The following SAMTOR variants were observed in gnomAD, a reference collection of about 807,000 sequenced individuals.
SAMTOR encodes the protein UPF0532 protein C7orf60.
At chr7:112,902,450 A>AAAC in the SAMTOR span, among the ~76,000 whole-genome samples, 1 of 125,894 alleles carries the variant, frequency 7.9e-6, no homozygotes, top group African/African-American at 3.3e-5. Context: ...AAAAAAAAAC[A>AAAC]AAAAAAAAAA....
At chr7:112,834,367 C>A in the SAMTOR span, among the ~76,000 whole-genome samples, 13 of 151,046 alleles carry the variant, frequency 8.6e-5, no homozygotes, top group African/African-American at 2.2e-4. Flanking sequence ...TCTTTTTTCC[C>A]ATGGATACAC....
chr7:112,844,939 C>G, the SAMTOR span, among the ~76,000 whole-genome samples: 1 of 151,978 alleles, frequency 6.6e-6, no homozygotes. Flanking sequence ...CAGAATAAAG[C>G]TGCACACCTA....
the SAMTOR span, among the ~76,000 whole-genome samples, chr7:112,930,527 C>CAA: frequency 8.0e-4 from 60 of 75,416 alleles, 1 homozygote; most frequent in Middle Eastern, 0.015. Context: ...GCAAAAGGGG[C>CAA]AAAAAAAAAA....
At chr7:112,891,491 A>G in the SAMTOR span, among the ~76,000 whole-genome samples, 27 of 152,234 alleles carry the variant, frequency 1.8e-4, no homozygotes, top group Non-Finnish European at 3.4e-4. Flanking sequence ...GAATATTTCT[A>G]TAACTATTCA....
At chr7:112,918,405 T>A in the SAMTOR span, among the ~76,000 whole-genome samples, 1 of 152,122 alleles carries the variant, frequency 6.6e-6, no homozygotes, top group Admixed American at 6.5e-5. Context: ...GCTGAGAGAT[T>A]TTGTCACCAT....
the SAMTOR span, chr7:112,915,524 G>A: frequency 1.4e-5 from 17 of 1,183,250 alleles, no homozygotes; most frequent in Non-Finnish European, 1.8e-5. Flanking sequence ...AGCACAATCT[G>A]AAATTATTTA....
At chr7:112,837,342 C>T in the SAMTOR span, among the ~76,000 whole-genome samples, 1 of 151,998 alleles carries the variant, frequency 6.6e-6, no homozygotes, top group African/African-American at 2.4e-5. Flanking sequence ...TTAGCAGAGA[C>T]TATGGGGTTT....
chr7:112,877,750 T>C, the SAMTOR span, among the ~76,000 whole-genome samples: 1 of 152,188 alleles, frequency 6.6e-6, no homozygotes, highest in Admixed American at 6.5e-5. Flanking sequence ...GAATTAATGC[T>C]ATCACTGCAA....
chr7:112,825,779 C>T, the SAMTOR span, among the ~76,000 whole-genome samples: 2 of 151,708 alleles, frequency 1.3e-5, no homozygotes, highest in African/African-American at 2.4e-5. Flanking sequence ...TTTTCTTTCA[C>T]CATTAAGGAT....
the SAMTOR span, among the ~76,000 whole-genome samples, chr7:112,888,306 T>A: frequency 1.3e-5 from 2 of 152,156 alleles, no homozygotes; most frequent in Non-Finnish European, 2.9e-5. Context: ...TGTATAATGA[T>A]CTATCTTTTT....
the SAMTOR span, among the ~76,000 whole-genome samples, chr7:112,891,022 G>T: frequency 6.6e-6 from 1 of 152,072 alleles, no homozygotes; most frequent in Non-Finnish European, 1.5e-5. Flanking sequence ...AGGAAATCAT[G>T]CTTAAAGAAT....
chr7:112,837,711 A>G, the SAMTOR span, among the ~76,000 whole-genome samples: 4 of 151,890 alleles, frequency 2.6e-5, no homozygotes, highest in Non-Finnish European at 4.4e-5. Context: ...AATTCTGGCT[A>G]CTTGTGGTCA....
At chr7:112,872,967 CCACA>C in the SAMTOR span, among the ~76,000 whole-genome samples, 15 of 150,136 alleles carry the variant, frequency 1.0e-4, no homozygotes, top group African/African-American at 2.2e-4. Context: ...ACCCACACAC[CCACA>C]CACACACACA....
At chr7:112,915,386 A>G in the SAMTOR span, 1 of 1,613,730 alleles carries the variant, frequency 6.2e-7, no homozygotes, top group Non-Finnish European at 8.5e-7. Context: ...TTGCAACGGC[A>G]TATTCACAAA....
the SAMTOR span, among the ~76,000 whole-genome samples, chr7:112,899,991 A>C: frequency 1.3e-5 from 2 of 152,302 alleles, no homozygotes; most frequent in East Asian, 3.9e-4. Context: ...CTGAAAGTAT[A>C]ATATAAAACT....
chr7:112,912,494 A>G, the SAMTOR span, among the ~76,000 whole-genome samples: 1 of 152,066 alleles, frequency 6.6e-6, no homozygotes, highest in Admixed American at 6.6e-5. Flanking sequence ...AACCCTTTTT[A>G]AAGCCCACTT....
the SAMTOR span, among the ~76,000 whole-genome samples, chr7:112,926,567 C>T: frequency 6.6e-6 from 1 of 152,154 alleles, no homozygotes; most frequent in African/African-American, 2.4e-5. Flanking sequence ...GAGGAGTCTG[C>T]AGACTCTCAC....
chr7:112,857,508 A>G, the SAMTOR span, among the ~76,000 whole-genome samples: 1 of 152,238 alleles, frequency 6.6e-6, no homozygotes, highest in African/African-American at 2.4e-5. Flanking sequence ...ATACTAATCT[A>G]TATTAGAAAT....
At chr7:112,922,612 C>T in the SAMTOR span, among the ~76,000 whole-genome samples, 4 of 151,738 alleles carry the variant, frequency 2.6e-5, no homozygotes, top group Middle Eastern at 3.2e-3. Flanking sequence ...CCCGCCGCCC[C>T]GTCTGGGATG....
Sources: gnomAD v4.1 joint callset for allele counts (sites outside exome capture counted in the v4.1 genomes callset) on GRCh38, gnomAD v4.1.1 for gene constraint, MANE v1.5 for transcripts, NCBI Gene and HGNC (gene_info 2026-07-23, HGNC 2026-07-21) for gene names.